TRIM66: variants seen among roughly 807,000 people sequenced by gnomAD.
TRIM66 encodes the protein tripartite motif containing 66.
In TRIM66, 99 loss-of-function variants were observed where a neutral mutation model predicts 148.2. That is an observed-to-expected ratio of 0.67 (90% CI 0.57 to 0.79). The LOEUF is 0.79. Ranked by LOEUF, TRIM66 falls within the 30% of genes least tolerant of loss-of-function variation. The pLI is 0.00. For synonymous variants in TRIM66, 616 were observed against 635.9 expected (o/e 0.97, Z 0.47); for missense variants, 1,666 against 1,697.9 (o/e 0.98, Z 0.33).
chr11:8,636,273 CA>C (rs2035872220), intron 15 of TRIM66, among the ~76,000 whole-genome samples: 1 of 152,050 alleles, frequency 6.6e-6, no homozygotes, highest in Non-Finnish European at 1.5e-5. Flanking sequence ...ACCCCTTCCC[CA>C]AACTGCCTTT....
Position 8,671,933 on chromosome 11 carries a change from C to T in TRIM66, c.193G>A (p.Val65Ile), listed in dbSNP as rs541113692. 1.3e-6 allele frequency: 2 copies of T among 1,536,036 alleles called. No homozygotes were observed. Among genetic ancestry groups the T allele is most frequent in the African/African-American group, 2.7e-5 (2 of 73,060 alleles). The change falls in exon 6 of 25, where the codon GTA becomes ATA. Residue 65 changes from valine to isoleucine, a missense_variant. Coordinates refer to ENST00000646038, the MANE Select transcript of TRIM66 (RefSeq NM_001388022.1). ...CPKSGQMEAM[V>I]MTCSLCHQDL... Reference sequence around the variant, plus strand: ...TGATGGCACAATGAGCAGGTCATTACCATGGCCTCCATCTGTCCACTCTTA... The same window carrying T: ...TGATGGCACAATGAGCAGGTCATTATCATGGCCTCCATCTGTCCACTCTTA...
rs114016419 is a variant in TRIM66, at chr11:8,624,182, G to A, written c.3019+177C>T. Among the ~76,000 whole-genome samples, 1,320 of 152,284 alleles carry A rather than the reference G, an allele frequency of 8.7e-3. 25 individuals are homozygous for A. Among genetic ancestry groups the A allele is most frequent in the African/African-American group, 0.031 (1,268 of 41,536 alleles). On this transcript the variant is annotated intron_variant, in intron 17 of 24. Coordinates refer to ENST00000646038, the MANE Select transcript of TRIM66 (RefSeq NM_001388022.1). ...CCTAGATCAGCCATGGCCACAGTGA[G>A]GGAAGCAGAACAGGTGTCACTAAGA...
At chr11:8,642,983 G>A (rs1000418307) in intron 13 of TRIM66, 26 bp downstream of exon 13, 3 of 1,518,864 alleles carry the variant, frequency 2.0e-6, no homozygotes, top group Non-Finnish European at 2.7e-6. Flanking sequence ...GGGTGGGTAG[G>A]CCTGGGTGGG....
intron 5 of TRIM66, 31 bp downstream of exon 5, chr11:8,672,217 G>A (rs1271774889): frequency 2.0e-6 from 3 of 1,535,984 alleles, no homozygotes; most frequent in African/African-American, 2.7e-5. Context: ...CTCCAGAGCT[G>A]GAGGCTCATG....
Position 8,663,374 on chromosome 11 carries a change from T to C in TRIM66, c.340+8412A>G, listed in dbSNP as rs575655063. The C allele has an allele frequency of 5.2e-4, 79 of 152,332 alleles. 1 individual carries two copies. The highest frequency in any genetic ancestry group is 1.8e-3 in the African/African-American group (76 of 41,574). The allele number at this position is 152,332 out of a possible 1,614,324, so 9.4% of individuals were successfully genotyped here. On this transcript the variant is annotated intron_variant, in intron 6 of 24. Coordinates refer to ENST00000646038, the MANE Select transcript of TRIM66 (RefSeq NM_001388022.1). ...ACAGTGGATAGTACCAAACCCTATA[T>C]ATACTATATTTTTCCTATGCATACA...
chr11:8,645,967 G>T, intron 11 of TRIM66, 80 bp from the exon 12 acceptor site: 1 of 1,378,618 alleles, frequency 7.3e-7, no homozygotes, highest in Non-Finnish European at 1.0e-6. Flanking sequence ...GGTGGCTTGT[G>T]TGTGTCACTG....
At chr11:8,649,594 G>A (rs2037173850) in intron 8 of TRIM66, 146 bp downstream of exon 8, 2 of 1,145,942 alleles carry the variant, frequency 1.7e-6, no homozygotes, top group Middle Eastern at 3.0e-4. Context: ...TGACTCTGAA[G>A]GAGACTTCCT....
Position 8,645,826 on chromosome 11 carries a change from T to A in TRIM66, c.1019A>T (p.Asn340Ile), listed in dbSNP as rs761254774. The A allele has an allele frequency of 6.4e-6, 10 of 1,551,588 alleles. No individual in the cohort carries two copies. Among genetic ancestry groups the A allele is most frequent in the Non-Finnish European group, 8.7e-6 (10 of 1,147,000 alleles). ...EQQLQSIMVL[N>I]RQFEHVQNFI... ...ATTCTGCACATGCTCAAACTGACGG[T>A]TGAGAACCATGATGCTCTGTAACTG... The change falls in exon 12 of 25, where the codon AAC (asparagine) becomes ATC (isoleucine). Residue 340 changes from asparagine to isoleucine, a missense_variant. This residue lies in a region of TRIM66 where 1,431 missense variants were observed against 1,412.4 expected (regional missense o/e 1.01). Coordinates refer to ENST00000646038, the MANE Select transcript of TRIM66 (RefSeq NM_001388022.1).
At chr11:8,635,787 A>C (rs2035825063) in intron 15 of TRIM66, among the ~76,000 whole-genome samples, 1 of 152,090 alleles carries the variant, frequency 6.6e-6, no homozygotes, top group Non-Finnish European at 1.5e-5. Context: ...AAAGGGCAGC[A>C]CCCCTTGCTG....
chr11:8,620,281 T>C (rs1200365856), intron 21 of TRIM66, among the ~76,000 whole-genome samples, 157 bp from the exon 22 acceptor site: 1 of 152,172 alleles, frequency 6.6e-6, no homozygotes, highest in African/African-American at 2.4e-5. Flanking sequence ...GGAAAACTGC[T>C]AGGAGAAGGA....
At chr11:8,649,549 C>T (rs1009688650) in intron 8 of TRIM66, among the ~76,000 whole-genome samples, 191 bp downstream of exon 8, 1 of 152,182 alleles carries the variant, frequency 6.6e-6, no homozygotes. Flanking sequence ...CCACCCCCAC[C>T]ATCAACAGGG....
intron 24 of TRIM66, 111 bp from the exon 25 acceptor site, chr11:8,618,114 C>T (rs2033847785): frequency 9.6e-7 from 1 of 1,045,000 alleles, no homozygotes; most frequent in Non-Finnish European, 1.4e-6. Context: ...TTTATTCTAC[C>T]CTAGGAATGC....
intron 6 of TRIM66, among the ~76,000 whole-genome samples, chr11:8,657,018 G>A (rs1002878911): frequency 5.3e-5 from 8 of 152,192 alleles, no homozygotes; most frequent in East Asian, 1.9e-4. Context: ...TACCAAGACC[G>A]CTGCTGGGAC....
rs560320679 is a variant in TRIM66 at position 8,636,050 on chromosome 11, C to T, written c.2310+2604G>A. 2.5e-4 allele frequency among the ~76,000 whole-genome samples: 38 copies of T among 152,122 alleles called. 1 individual carries two copies. The Middle Eastern group carries it at 0.01, about 41-fold the overall frequency. On this transcript the variant is annotated intron_variant, in intron 15 of 24. Coordinates refer to ENST00000646038, the MANE Select transcript of TRIM66 (RefSeq NM_001388022.1). ...TTACCCACTCCCACCCCTTGCCTTT[C>T]CCGTAATCATTCCTGGGCCTATTGT... is the stretch of plus-strand genomic sequence containing the variant.
chr11:8,622,908 A>G, intron 17 of TRIM66, 32 bp from the exon 18 acceptor site: 6 of 1,546,490 alleles, frequency 3.9e-6, no homozygotes, highest in Non-Finnish European at 5.3e-6. Context: ...TACCTGTGAC[A>G]CACATTTGTG....
At chr11:8,682,718 C>T (rs1441622106), upstream of TRIM66, 8 of 1,489,182 alleles carry the variant, frequency 5.4e-6, no homozygotes, top group Non-Finnish European at 6.6e-6. Flanking sequence ...CGAAGCCCGG[C>T]CTCTGTGACC....
At chr11:8,635,695 A>G (rs1323142047) in intron 15 of TRIM66, among the ~76,000 whole-genome samples, 2 of 152,294 alleles carry the variant, frequency 1.3e-5, no homozygotes, top group East Asian at 3.9e-4. Flanking sequence ...GTCCCTTTTA[A>G]TAAGGGGCAG....
At chr11:8,629,825 A>G (rs979286116) in intron 15 of TRIM66, among the ~76,000 whole-genome samples, 1 of 152,190 alleles carries the variant, frequency 6.6e-6, no homozygotes, top group Admixed American at 6.6e-5. Flanking sequence ...CAATGCTATC[A>G]GGAGAGGGGG....
At chr11:8,674,378 C>CATTT (rs149180904) in intron 4 of TRIM66, among the ~76,000 whole-genome samples, 143 of 151,696 alleles carry the variant, frequency 9.4e-4, no homozygotes, top group African/African-American at 3.1e-3. Context: ...TCCTTTTTTC[C>CATTT]ATTTATTTAT....
Sources: gnomAD v4.1 joint callset for allele counts (sites outside exome capture counted in the v4.1 genomes callset) on GRCh38, gnomAD v4.1.1 for gene constraint, gnomAD v4.1.1 regional missense constraint, MANE v1.5 for transcripts, NCBI Gene and HGNC (gene_info 2026-07-23, HGNC 2026-07-21) for gene names.